The following ABHD10 variants were observed in gnomAD, a reference collection of about 807,000 sequenced individuals.
The protein encoded by ABHD10 is abhydrolase domain containing 10, depalmitoylase.
In ABHD10, 22 loss-of-function variants were observed where a neutral mutation model predicts 33.1. The observed-to-expected ratio is 0.66, with a 90% CI of 0.47 to 0.95. The LOEUF is 0.95. ABHD10 is among the 40% of genes least tolerant of loss of function. The probability of loss-of-function intolerance (pLI) is 0.00; values close to 1 mark genes in which losing one functional copy is unlikely to be tolerated. For synonymous variants in ABHD10, 146 were observed against 133.9 expected (o/e 1.09, Z -0.62); for missense variants, 352 against 379.9 (o/e 0.93, Z 0.61).
At chr3:111,986,819 T>C in intron 3 of ABHD10, 95 bp from the exon 4 acceptor site, 1 of 892,640 alleles carries the variant, frequency 1.1e-6, no homozygotes, top group Admixed American at 3.6e-5. Context: ...ATGATTCTAT[T>C]TTTACTTTCT....
chr3:111,992,737 A>G lies in ABHD10; in HGVS notation c.*1016A>G, dbSNP rs2072757813. The G allele has an allele frequency of 6.6e-6, 1 of 152,230 alleles. No individual in the cohort carries two copies. The highest frequency in any genetic ancestry group is 1.5e-5 in the Non-Finnish European group (1 of 68,042). The allele number at this position is 152,230 out of a possible 1,614,324, so 9.4% of individuals were successfully genotyped here. Reference sequence around the variant, plus strand: ...AGTTGACAACATGACTCATATATATACATGTGTATAAGATGAGCATGTGTC... The same window carrying G: ...AGTTGACAACATGACTCATATATATGCATGTGTATAAGATGAGCATGTGTC... On this transcript the variant is annotated 3_prime_UTR_variant, in exon 5 of 5. Coordinates refer to ENST00000273359, the MANE Select transcript of ABHD10 (RefSeq NM_018394.4).
intron 3 of ABHD10, 127 bp from the exon 4 acceptor site, chr3:111,986,787 C>A: frequency 1.4e-6 from 1 of 722,726 alleles, no homozygotes; most frequent in Non-Finnish European, 2.1e-6. Context: ...AATGTTTAAT[C>A]CATTTTGATA....
At position 111,981,813 on chromosome 3, in the gene ABHD10, C is replaced by T. The variant is rs1339239120; in HGVS notation, c.172C>T (p.Leu58Phe). ...TAGACAAAAGACGTCACTCTCATTC[C>T]TTAATCGACCAGACCTTCCAAACCT... The part of the protein sequence containing the change: ...ACRQKTSLSF[L>F]NRPDLPNLAY... Residue 58 changes from leucine (L) to phenylalanine (F), a missense_variant, in exon 2 of 5, where the codon CTT becomes TTT. Physicochemically the swap from Leu to Phe is conservative, Grantham distance 22. Coordinates refer to ENST00000273359, the MANE Select transcript of ABHD10 (RefSeq NM_018394.4). The T allele has an allele frequency of 1.3e-6, 2 of 1,585,448 alleles. No individual in the cohort carries two copies. Among genetic ancestry groups the T allele is most frequent in the East Asian group, 2.3e-5 (1 of 44,440 alleles).
intron 4 of ABHD10, among the ~76,000 whole-genome samples, chr3:111,989,690 C>A (rs1230230587): frequency 5.9e-5 from 9 of 152,034 alleles, no homozygotes; most frequent in Non-Finnish European, 1.3e-4. Context: ...ATATTTGGTT[C>A]ATATGTTGTT....
At position 111,992,536 on chromosome 3, in the gene ABHD10, T is replaced by C. The variant is rs947241728; in HGVS notation, c.*815T>C. ...GATTGCCACCTAAATCAGAAGACGTTCTAAAGTCAGTAAGAAAGTGTGAAA... is the reference window on the plus strand; with the variant it reads ...GATTGCCACCTAAATCAGAAGACGTCCTAAAGTCAGTAAGAAAGTGTGAAA... On this transcript the variant is annotated 3_prime_UTR_variant, in exon 5 of 5. Transcript: ENST00000273359. The C allele has an allele frequency of 1.3e-5, 2 of 152,164 alleles. No individual in the cohort carries two copies. The highest frequency in any genetic ancestry group is 4.8e-5 in the African/African-American group (2 of 41,468). 9.4% of individuals were successfully genotyped at this position (152,164 alleles called of 1,614,324 possible).
chr3:111,981,946 CT>C lies in ABHD10; in HGVS notation c.306del (p.Leu103Ter). 1.3e-6 allele frequency: 2 copies of C among 1,567,878 alleles called. No homozygotes were observed. The highest frequency in any genetic ancestry group is 1.7e-6 in the Non-Finnish European group (2 of 1,146,652). On this transcript the variant is annotated frameshift_variant, in exon 2 of 5. Coordinates refer to ENST00000273359, the MANE Select transcript of ABHD10 (RefSeq NM_018394.4). LOFTEE classifies it high-confidence loss of function. ...TTGGCGATTGAGGAGTTTTGCAAATCTCTAGGTCACGCCTGCATAAGGTAGG... is the reference window on the plus strand; with the variant it reads ...TTGGCGATTGAGGAGTTTTGCAAATCCTAGGTCACGCCTGCATAAGGTAGG... Reference protein sequence around the residue: ...KALAIEEFCKSLGHACIRFDY... With the variant: ...KALAIEEFCKXLGHACIRFDY...
intron 4 of ABHD10, 132 bp from the exon 5 acceptor site, chr3:111,991,245 A>G: frequency 1.4e-6 from 1 of 696,330 alleles, no homozygotes; most frequent in Non-Finnish European, 2.4e-6. Flanking sequence ...ATTGATAATT[A>G]TTATTGTTAT....
At chr3:111,990,476 A>G (rs2107713907) in intron 4 of ABHD10, among the ~76,000 whole-genome samples, 1 of 152,076 alleles carries the variant, frequency 6.6e-6, no homozygotes, top group East Asian at 1.9e-4. Flanking sequence ...AATTATTTTT[A>G]TGTTTTCTAT....
chr3:111,986,527 C>T, intron 3 of ABHD10, 152 bp downstream of exon 3: 1 of 553,864 alleles, frequency 1.8e-6, no homozygotes, highest in Non-Finnish European at 3.2e-6. Context: ...GCTCTGCCTC[C>T]CGGGTTCACG....
intron 4 of ABHD10, among the ~76,000 whole-genome samples, chr3:111,988,828 G>T (rs142238433): frequency 1.3e-5 from 2 of 152,262 alleles, no homozygotes; most frequent in Non-Finnish European, 1.5e-5. Flanking sequence ...AGGCTCAAGA[G>T]ATTCTCCTGC....
At position 111,991,865 on chromosome 3, in the gene ABHD10, A is replaced by G. The variant is rs934237332; in HGVS notation, c.*144A>G. On this transcript the variant is annotated 3_prime_UTR_variant, in exon 5 of 5. Transcript: ENST00000273359. The stretch of plus-strand genomic sequence containing the variant: ...GAGTATTATTTAATGATGTATTTGC[A>G]TAAGTAATGCAAATTGTGAAGAAGG... 24 of 620,468 alleles carry G rather than the reference A, an allele frequency of 3.9e-5. No individual in the cohort carries two copies. The highest frequency in any genetic ancestry group is 2.6e-6 in the Non-Finnish European group (1 of 392,036). The allele number at this position is 620,468 out of a possible 1,614,324, so 38.4% of individuals were successfully genotyped here.
At position 111,981,784 on chromosome 3, in the gene ABHD10, C is replaced by T. The variant is rs1359799617; in HGVS notation, c.143C>T (p.Ala48Val). The change falls in exon 2 of 5, where the codon GCT becomes GTT. Residue 48 changes from alanine (A) to valine (V), a missense_variant and splice_region_variant. By Grantham distance (64) the Ala-to-Val change is moderately conservative (BLOSUM62 0). Coordinates refer to ENST00000273359, the MANE Select transcript of ABHD10 (RefSeq NM_018394.4). ...IPQRAPRWLPACRQKTSLSFL... is the reference protein window; with the variant it reads ...IPQRAPRWLPVCRQKTSLSFL... ...TTTACTTTTTGTGTACTTTGTTTAG[C>T]TTGTAGACAAAAGACGTCACTCTCA... is the stretch of plus-strand genomic sequence containing the variant. The T allele has an allele frequency of 1.3e-6, 2 of 1,544,682 alleles. No homozygotes were observed. Among genetic ancestry groups the T allele is most frequent in the African/African-American group, 2.7e-5 (2 of 73,820 alleles).
intron 4 of ABHD10, among the ~76,000 whole-genome samples, chr3:111,989,933 T>C (rs2072720765): frequency 6.6e-6 from 1 of 152,042 alleles, no homozygotes; most frequent in Admixed American, 6.5e-5. Context: ...TTGCAATAAA[T>C]TAACAATTTT....
intron 1 of ABHD10, among the ~76,000 whole-genome samples, chr3:111,980,303 T>G (rs1559934832): frequency 6.6e-6 from 1 of 152,206 alleles, no homozygotes; most frequent in African/African-American, 2.4e-5. Context: ...AGTTTTAAAT[T>G]TGGCATATTT....
At chr3:111,990,406 A>G (rs1054996533) in intron 4 of ABHD10, among the ~76,000 whole-genome samples, 5 of 152,026 alleles carry the variant, frequency 3.3e-5, no homozygotes, top group African/African-American at 1.2e-4. Context: ...GGAAGGAAAT[A>G]AGCCATATAT....
chr3:111,981,827 C>G lies in ABHD10; in HGVS notation c.186C>G (p.Asp62Glu). 1.3e-6 allele frequency: 2 copies of G among 1,598,090 alleles called. No individual in the cohort carries two copies. The highest frequency in any genetic ancestry group is 2.2e-5 in the East Asian group (1 of 44,676). ...KTSLSFLNRPDLPNLAYKKLK... is the reference protein window; with the variant it reads ...KTSLSFLNRPELPNLAYKKLK... ...CACTCTCATTCCTTAATCGACCAGA[C>G]CTTCCAAACCTGGCTTATAAGAAGC... Residue 62 changes from aspartate (D) to glutamate (E), a missense_variant, in exon 2 of 5, where the codon GAC becomes GAG. Physicochemically the swap from Asp to Glu is conservative, Grantham distance 45. Transcript: ENST00000273359.
intron 3 of ABHD10, among the ~76,000 whole-genome samples, chr3:111,986,602 ATTG>A (rs948091484): frequency 1.3e-5 from 2 of 151,960 alleles, no homozygotes; most frequent in Non-Finnish European, 2.9e-5. Context: ...CGCCCGGCTA[ATTG>A]TTCGTATTTT....
At chr3:111,981,402 C>G (rs763003925) in intron 1 of ABHD10, among the ~76,000 whole-genome samples, 5 of 151,146 alleles carry the variant, frequency 3.3e-5, no homozygotes, top group Non-Finnish European at 7.4e-5. Context: ...AAAAATCTCA[C>G]AAGAGAGGGC....
At chr3:111,980,254 A>G (rs1489937303) in intron 1 of ABHD10, among the ~76,000 whole-genome samples, 4 of 152,244 alleles carry the variant, frequency 2.6e-5, no homozygotes, top group South Asian at 2.1e-4. Flanking sequence ...TAGATGGGAA[A>G]TGAACATGAG....
Sources: allele counts gnomAD v4.1 joint callset (sites outside exome capture counted in the v4.1 genomes callset), GRCh38; gene constraint gnomAD v4.1.1; transcripts MANE v1.5; gene names NCBI Gene and HGNC (gene_info 2026-07-23, HGNC 2026-07-21).